Variants in RORB observed in about 807,000 individuals in gnomAD.
The protein encoded by RORB is nuclear receptor ROR-beta.
RORB carries 6 observed loss-of-function variants against 59.1 expected under a neutral mutation model. The observed-to-expected ratio is 0.10, with a 90% CI of 0.06 to 0.20. The LOEUF (loss-of-function observed/expected upper bound fraction) is 0.20, where lower values mean the gene tolerates loss of function less well. Ranked by LOEUF, RORB falls within the 10% of genes least tolerant of loss-of-function variation. The pLI, the probability that RORB is intolerant of heterozygous loss-of-function variation, is 1.00. For missense variants in RORB, 320 were observed against 560.5 expected, an observed-to-expected ratio of 0.57 and a Z score of 4.33; for synonymous variants, 215 against 204.5, an observed-to-expected ratio of 1.05 and a Z score of -0.44.
At chr9:74,590,309 TG>T in intron 1 of RORB, among the ~76,000 whole-genome samples, 1 of 152,206 alleles carries the variant, frequency 6.6e-6, no homozygotes, top group East Asian at 1.9e-4. Flanking sequence ...CAGATACATT[TG>T]GTGACAGACT....
chr9:74,555,544 G>A (rs967300564), intron 1 of RORB, among the ~76,000 whole-genome samples: 1 of 152,158 alleles, frequency 6.6e-6, no homozygotes, highest in Non-Finnish European at 1.5e-5. Context: ...AAGACTCAAA[G>A]TCACATATCT....
At chr9:74,643,376 A>G (rs1467290393) in intron 4 of RORB, among the ~76,000 whole-genome samples, 1 of 152,218 alleles carries the variant, frequency 6.6e-6, no homozygotes, top group Non-Finnish European at 1.5e-5. Context: ...CAATGAAAAG[A>G]GTGTAGTCTG....
chr9:74,498,390 G>A, intron 1 of RORB: 1 of 189,274 alleles, frequency 5.3e-6, no homozygotes. Context: ...GGGTTTGGGC[G>A]CGCGGGGCGC....
At chr9:74,536,312 AGAG>A (rs1826321464) in intron 1 of RORB, among the ~76,000 whole-genome samples, 1 of 151,968 alleles carries the variant, frequency 6.6e-6, no homozygotes, top group South Asian at 2.1e-4. Flanking sequence ...AGGGGAGGGA[AGAG>A]GAGAAGGAGA....
intron 1 of RORB, among the ~76,000 whole-genome samples, chr9:74,608,459 G>C (rs1823183436): frequency 6.6e-6 from 1 of 151,684 alleles, no homozygotes; most frequent in Non-Finnish European, 1.5e-5. Context: ...AGCTACTCGG[G>C]AGGCTGAGGC....
intron 9 of RORB, among the ~76,000 whole-genome samples, chr9:74,679,117 C>T (rs1300822214): frequency 6.6e-6 from 1 of 151,560 alleles, no homozygotes; most frequent in Non-Finnish European, 1.5e-5. Context: ...TATTAGAATT[C>T]CTAGCAGGTG....
intron 6 of RORB, 36 bp downstream of exon 6, chr9:74,662,642 T>C (rs755261711): frequency 1.2e-6 from 2 of 1,607,506 alleles, no homozygotes; most frequent in Non-Finnish European, 1.7e-6. Flanking sequence ...CTATTTCAGA[T>C]AAGGATGTGG....
intron 1 of RORB, among the ~76,000 whole-genome samples, chr9:74,542,399 G>A (rs183318256): frequency 1.3e-5 from 2 of 152,252 alleles, no homozygotes; most frequent in Admixed American, 6.5e-5. Context: ...GTTTGAAATC[G>A]AATTTCAGTG....
intron 1 of RORB, among the ~76,000 whole-genome samples, chr9:74,560,415 C>T (rs576661969): frequency 3.3e-5 from 5 of 152,216 alleles, no homozygotes; most frequent in South Asian, 4.1e-4. Context: ...TATTAAAGAG[C>T]GCTGTATCTC....
At chr9:74,507,408 G>A (rs910722510) in intron 1 of RORB, among the ~76,000 whole-genome samples, 1 of 152,008 alleles carries the variant, frequency 6.6e-6, no homozygotes, top group Non-Finnish European at 1.5e-5. Flanking sequence ...ACATACTATT[G>A]TTATTTGCCT....
chr9:74,665,479 T>C lies in RORB; in HGVS notation c.893-9T>C, dbSNP rs906449991. ...TTATTTTATTTTTATTTTTATTTTT[T>C]ACTCATAGGTTGCTTGGAAGTGGTT... On this transcript the variant is annotated splice_polypyrimidine_tract_variant and intron_variant, in intron 6 of 9. Coordinates refer to ENST00000376896, the MANE Select transcript of RORB (RefSeq NM_006914.4). 3 of 1,521,360 alleles carry C rather than the reference T, an allele frequency of 2.0e-6. No homozygotes were observed. Among genetic ancestry groups the C allele is most frequent in the Admixed American group, 1.8e-5 (1 of 55,812 alleles). The allele number at this position is 1,521,360 out of a possible 1,614,324, so 94.2% of individuals were successfully genotyped here.
rs992281860 is a variant in RORB at position 74,691,520 on chromosome 9, T to C, written c.*5902T>C. The C allele has an allele frequency of 1.3e-5, 2 of 152,182 alleles. No individual in the cohort carries two copies. Among genetic ancestry groups the C allele is most frequent in the African/African-American group, 4.8e-5 (2 of 41,438 alleles). 9.4% of individuals were successfully genotyped at this position (152,182 alleles called of 1,614,324 possible). A position where few individuals can be genotyped will look rare whatever the true frequency, so the allele number is the denominator to read the frequency against. ...AAACTGAGTATGTATTGTAGAAATG[T>C]AGAGGAAAAATAAAAATATTTTTTC... On this transcript the variant is annotated 3_prime_UTR_variant, in exon 10 of 10. Transcript: ENST00000376896.
chr9:74,672,146 T>C (rs562394169), intron 9 of RORB, among the ~76,000 whole-genome samples: 1 of 152,276 alleles, frequency 6.6e-6, no homozygotes, highest in East Asian at 1.9e-4. Context: ...GACAAATCAA[T>C]GAAACCAAGG....
rs1293954243 is a variant in RORB at position 74,634,806 on chromosome 9, C to T, written c.235+34C>T. ...TTACCTTCCTGTTTCTTACTTAAGC[C>T]CTTTCAAATGGATGCTTTGCTGGAG... On this transcript the variant is annotated intron_variant, in intron 3 of 9. Transcript: ENST00000376896. The T allele has an allele frequency of 4.4e-6, 7 of 1,577,664 alleles. No homozygotes were observed. The South Asian group carries it at 5.9e-5, about 13-fold the overall frequency.
Position 74,573,118 on chromosome 9 carries a change from A to T in RORB, c.8-57164A>T, listed in dbSNP as rs117808628. 9.2e-5 allele frequency among the ~76,000 whole-genome samples: 14 copies of T among 152,320 alleles called. No homozygotes were observed. The East Asian group carries it at 1.5e-3, about 17-fold the overall frequency. On this transcript the variant is annotated intron_variant, in intron 1 of 9. Transcript: ENST00000376896. Reference sequence around the variant, plus strand: ...TTCACACATACTTCAATTACTGAAGACTAGACAGTTTTCAAACGTGTTTTT... The same window carrying T: ...TTCACACATACTTCAATTACTGAAGTCTAGACAGTTTTCAAACGTGTTTTT...
chr9:74,662,010 A>G (rs987277989), intron 5 of RORB, among the ~76,000 whole-genome samples: 11 of 152,312 alleles, frequency 7.2e-5, no homozygotes, highest in Admixed American at 2.6e-4. Flanking sequence ...ACATAAAAAT[A>G]CTACAAATTT....
rs891473253 is a variant in RORB at position 74,685,724 on chromosome 9, A to G, written c.*106A>G. 2.5e-6 allele frequency: 2 copies of G among 805,770 alleles called. No individual in the cohort carries two copies. The highest frequency in any genetic ancestry group is 1.7e-5 in the African/African-American group (1 of 58,402). The allele number at this position is 805,770 out of a possible 1,614,324, so 49.9% of individuals were successfully genotyped here. On this transcript the variant is annotated 3_prime_UTR_variant, in exon 10 of 10. Coordinates refer to ENST00000376896, the MANE Select transcript of RORB (RefSeq NM_006914.4). The stretch of plus-strand genomic sequence containing the variant: ...AAATGTCACTACTGCAACATTAGGA[A>G]TGTCCTGCACTTAATAGAATTATTT...
At chr9:74,537,127 T>A (rs1487052366) in intron 1 of RORB, among the ~76,000 whole-genome samples, 6 of 151,942 alleles carry the variant, frequency 3.9e-5, no homozygotes, top group South Asian at 2.1e-4. Context: ...GAAAACAGAG[T>A]GCAGCTCTTT....
rs59862333 is a variant in RORB at position 74,542,011 on chromosome 9, A to G, written c.7+44028A>G. On this transcript the variant is annotated intron_variant, in intron 1 of 9. Transcript: ENST00000376896. ...GGCGAGAGGGAGCCCAATCCAATAC[A>G]AAAATTTATCTCAAATAAATGGTAG... Among the ~76,000 whole-genome samples the G allele has an allele frequency of 3.2e-4, 49 of 152,322 alleles. No homozygotes were observed. In the East Asian group the frequency reaches 8.5e-3, roughly 26 times the overall value.
Sources: gnomAD v4.1 joint callset for allele counts (sites outside exome capture counted in the v4.1 genomes callset) on GRCh38, gnomAD v4.1.1 for gene constraint, MANE v1.5 for transcripts, NCBI Gene and HGNC (gene_info 2026-07-23, HGNC 2026-07-21) for gene names.